The following ZNF277 variants were observed in gnomAD, a reference collection of about 807,000 sequenced individuals.
ZNF277 encodes nuclear receptor-interacting factor 4.
ZNF277 carries 55 observed loss-of-function variants against 60.7 expected under a neutral mutation model. The observed-to-expected ratio is 0.91, with a 90% CI of 0.73 to 1.13. The LOEUF (loss-of-function observed/expected upper bound fraction) is 1.13. ZNF277 is among the 50% of genes most tolerant of loss of function. ZNF277 has a pLI of 0.00. For missense variants in ZNF277, 510 were observed against 523.0 expected (o/e 0.98, Z 0.24); for synonymous variants, 178 against 179.3 (o/e 0.99, Z 0.06).
At chr7:112,282,161 C>G (rs1791961740) in intron 1 of ZNF277, among the ~76,000 whole-genome samples, 1 of 152,210 alleles carries the variant, frequency 6.6e-6, no homozygotes, top group Admixed American at 6.5e-5. Context: ...AGTCCTTGAC[C>G]TTAAGGAGTT....
chr7:112,283,812 A>G (rs1792002421), intron 1 of ZNF277, among the ~76,000 whole-genome samples: 1 of 152,220 alleles, frequency 6.6e-6, no homozygotes, highest in Admixed American at 6.5e-5. Flanking sequence ...ACTGTACTCT[A>G]GTGATTTTTG....
chr7:112,287,919 C>A (rs1792111566), intron 2 of ZNF277: 2 of 136,244 alleles, frequency 1.5e-5, no homozygotes, highest in South Asian at 4.3e-4. Flanking sequence ...TATAAGTTCT[C>A]TAAAGAGATG....
At position 112,343,281 on chromosome 7, in the gene ZNF277, GA is replaced by G. The variant is rs1793480143; in HGVS notation, c.*553del. On this transcript the variant is annotated 3_prime_UTR_variant, in exon 12 of 12. Coordinates refer to ENST00000361822, the MANE Select transcript of ZNF277 (RefSeq NM_021994.3). Reference sequence around the variant, plus strand: ...CATTATATTAGAACAATCAAGAGCTGACTGTGTTATTACCACTTTCTGCCTA... The same window carrying G: ...CATTATATTAGAACAATCAAGAGCTGCTGTGTTATTACCACTTTCTGCCTA... Among the ~76,000 whole-genome samples, 2 of 152,190 alleles carry G rather than the reference GA, an allele frequency of 1.3e-5. No homozygotes were observed. Among genetic ancestry groups the G allele is most frequent in the South Asian group, 4.1e-4 (2 of 4,830 alleles).
At chr7:112,251,916 T>A (rs140511099) in intron 1 of ZNF277, among the ~76,000 whole-genome samples, 196 of 152,260 alleles carry the variant, frequency 1.3e-3, no homozygotes, top group African/African-American at 4.5e-3. Context: ...TATAAGAGAG[T>A]GTGGTACATA....
chr7:112,328,672 A>G (rs367863994), intron 6 of ZNF277, among the ~76,000 whole-genome samples: 100 of 152,196 alleles, frequency 6.6e-4, no homozygotes, highest in African/African-American at 2.2e-3. Flanking sequence ...GGATTTTGAG[A>G]CCAGCCTGAC....
At chr7:112,221,817 A>C (rs1244583399) in intron 1 of ZNF277, among the ~76,000 whole-genome samples, 1 of 152,200 alleles carries the variant, frequency 6.6e-6, no homozygotes, top group African/African-American at 2.4e-5. Context: ...CCCAGTTCCT[A>C]ACAGGCCACA....
intron 1 of ZNF277, among the ~76,000 whole-genome samples, chr7:112,237,242 G>A (rs1363802067): frequency 1.3e-5 from 2 of 152,024 alleles, no homozygotes; most frequent in Non-Finnish European, 2.9e-5. Flanking sequence ...TAAGAAGAAA[G>A]TTTATAGCAT....
At chr7:112,290,424 G>C (rs751466271) in intron 2 of ZNF277, among the ~76,000 whole-genome samples, 3 of 151,904 alleles carry the variant, frequency 2.0e-5, no homozygotes, top group Non-Finnish European at 2.9e-5. Flanking sequence ...ACTAGGTCTC[G>C]GGACTTAGGA....
chr7:112,287,145 T>A, intron 2 of ZNF277, 71 bp downstream of exon 2: 1 of 1,531,096 alleles, frequency 6.5e-7, no homozygotes, highest in Non-Finnish European at 8.9e-7. Context: ...GTAATCCTAG[T>A]ACTTTGGGAG....
intron 1 of ZNF277, among the ~76,000 whole-genome samples, chr7:112,211,037 A>G (rs1353183687): frequency 6.6e-6 from 1 of 152,164 alleles, no homozygotes; most frequent in African/African-American, 2.4e-5. Flanking sequence ...GTCAAAGTCA[A>G]CTTTTTTCCC....
intron 1 of ZNF277, among the ~76,000 whole-genome samples, chr7:112,245,535 A>T (rs555075964): frequency 1.3e-5 from 2 of 152,276 alleles, no homozygotes; most frequent in East Asian, 3.9e-4. Flanking sequence ...CTAGCCTCAC[A>T]ATTCTGGAGG....
At chr7:112,325,373 T>A (rs2117122474) in intron 5 of ZNF277, among the ~76,000 whole-genome samples, 1 of 152,274 alleles carries the variant, frequency 6.6e-6, no homozygotes, top group East Asian at 1.9e-4. Context: ...TTGCCTTCAC[T>A]CAGTCTCCTT....
At chr7:112,315,466 A>G (rs1247988319) in intron 4 of ZNF277, among the ~76,000 whole-genome samples, 1 of 152,148 alleles carries the variant, frequency 6.6e-6, no homozygotes, top group African/African-American at 2.4e-5. Flanking sequence ...ATAGATGGCC[A>G]TAAAAGAGAG....
chr7:112,242,681 A>G (rs1790989644), intron 1 of ZNF277, among the ~76,000 whole-genome samples: 1 of 152,100 alleles, frequency 6.6e-6, no homozygotes, highest in African/African-American at 2.4e-5. Flanking sequence ...ACACAAATGA[A>G]TGGAAAAACA....
chr7:112,262,357 A>C (rs1308399599), intron 1 of ZNF277, among the ~76,000 whole-genome samples: 1 of 152,076 alleles, frequency 6.6e-6, no homozygotes, highest in East Asian at 1.9e-4. Flanking sequence ...CTTTATATTA[A>C]ATCTCAGCAT....
chr7:112,287,196 G>A lies in ZNF277; in HGVS notation c.293+122G>A, dbSNP rs1210323829. ...TCACCCGAGGCCAGTAGTAGTTCAA[G>A]ATGCCAGCTCTAAAAACAAAATTTA... On this transcript the variant is annotated intron_variant, in intron 2 of 11. Coordinates refer to ENST00000361822, the MANE Select transcript of ZNF277 (RefSeq NM_021994.3). 3 of 952,788 alleles carry A rather than the reference G, an allele frequency of 3.1e-6. No individual in the cohort carries two copies. In the East Asian group the frequency reaches 7.3e-5, roughly 23 times the overall value. The allele number at this position is 952,788 out of a possible 1,614,324, so 59.0% of individuals were successfully genotyped here.
At chr7:112,315,563 A>G (rs942783117) in intron 4 of ZNF277, among the ~76,000 whole-genome samples, 1 of 152,140 alleles carries the variant, frequency 6.6e-6, no homozygotes, top group Admixed American at 6.5e-5. Context: ...ATTACAGTAC[A>G]GTATGGTAGT....
intron 1 of ZNF277, among the ~76,000 whole-genome samples, chr7:112,241,716 T>C (rs1383348961): frequency 1.3e-5 from 2 of 152,036 alleles, no homozygotes; most frequent in African/African-American, 4.8e-5. Flanking sequence ...ATGGATGGAA[T>C]TGGAGGACAT....
chr7:112,319,312 A>G (rs1454863203), intron 5 of ZNF277, among the ~76,000 whole-genome samples: 1 of 152,114 alleles, frequency 6.6e-6, no homozygotes, highest in African/African-American at 2.4e-5. Context: ...CTCCTCATTC[A>G]TATAATAAAG....
Sources: allele counts gnomAD v4.1 joint callset (sites outside exome capture counted in the v4.1 genomes callset), GRCh38; gene constraint gnomAD v4.1.1; transcripts MANE v1.5; gene names NCBI Gene and HGNC (gene_info 2026-07-23, HGNC 2026-07-21).